Variants in PHF24 observed in about 807,000 individuals in gnomAD.
PHF24 encodes PHD finger protein 24, also known as Galpha inhibitory interacting protein.
PHF24 carries 25 observed loss-of-function variants against 42.6 expected under a neutral mutation model. The observed-to-expected ratio is 0.59, with a 90% CI of 0.43 to 0.82. The LOEUF (loss-of-function observed/expected upper bound fraction) is 0.82. Among genes scored for constraint, PHF24 ranks in the 40% least tolerant of loss-of-function variants. PHF24 has a pLI of 0.00. For synonymous variants in PHF24, 185 were observed against 204.8 expected, an observed-to-expected ratio of 0.90 and a Z score of 0.83; for missense variants, 470 against 538.1, an observed-to-expected ratio of 0.87 and a Z score of 1.25.
chr9:34,913,474 A>G, the PHF24 span, among the ~76,000 whole-genome samples: 16 of 152,366 alleles, frequency 1.1e-4, no homozygotes, highest in South Asian at 1.9e-3. Context: ...ATTCATTATT[A>G]AAGAACTCTG....
chr9:34,865,428 G>T, the PHF24 span, among the ~76,000 whole-genome samples: 1 of 151,834 alleles, frequency 6.6e-6, no homozygotes, highest in Non-Finnish European at 1.5e-5. Context: ...GCCAGGTGTG[G>T]TGGTGGGCAC....
the PHF24 span, among the ~76,000 whole-genome samples, chr9:34,741,163 G>A: frequency 1.3e-5 from 2 of 151,802 alleles, no homozygotes; most frequent in South Asian, 4.2e-4. Context: ...TGGGATTACA[G>A]GCATGAGCCA....
chr9:34,935,618 T>C, the PHF24 span, among the ~76,000 whole-genome samples: 1 of 126,638 alleles, frequency 7.9e-6, no homozygotes, highest in African/African-American at 3.0e-5. Flanking sequence ...AGAGAGAGAA[T>C]GGGAAGAGAG....
At chr9:34,703,109 C>G in the PHF24 span, among the ~76,000 whole-genome samples, 2 of 152,222 alleles carry the variant, frequency 1.3e-5, no homozygotes, top group Non-Finnish European at 2.9e-5. Context: ...CCCCACCCCT[C>G]TGACTCCCAC....
the PHF24 span, among the ~76,000 whole-genome samples, chr9:34,761,586 A>G: frequency 6.6e-6 from 1 of 152,228 alleles, no homozygotes; most frequent in South Asian, 2.1e-4. Flanking sequence ...GACACTTACT[A>G]GAATTTTTTA....
the PHF24 span, among the ~76,000 whole-genome samples, chr9:34,849,942 T>C: frequency 2.2e-3 from 336 of 152,334 alleles, 2 homozygotes; most frequent in African/African-American, 7.0e-3. Context: ...CACTCTCTTC[T>C]GGCTTGTAGA....
chr9:34,680,721 A>AT, the PHF24 span, among the ~76,000 whole-genome samples: 4 of 146,198 alleles, frequency 2.7e-5, no homozygotes, highest in African/African-American at 8.2e-5. Flanking sequence ...AAAAAAAATA[A>AT]AATAAAATAA....
the PHF24 span, among the ~76,000 whole-genome samples, chr9:34,738,574 C>G: frequency 8.0e-4 from 122 of 152,120 alleles, no homozygotes; most frequent in African/African-American, 2.6e-3. Context: ...TCTTGATCTC[C>G]TGACCTCATG....
chr9:34,928,266 A>G, the PHF24 span, among the ~76,000 whole-genome samples: 3 of 151,906 alleles, frequency 2.0e-5, no homozygotes, highest in Non-Finnish European at 4.4e-5. Context: ...CAGGATGACT[A>G]TAGCCAATAA....
the PHF24 span, among the ~76,000 whole-genome samples, chr9:34,931,803 T>C: frequency 7.6e-3 from 1,162 of 152,196 alleles, 16 homozygotes; most frequent in African/African-American, 0.027. Context: ...GGTATTTCTT[T>C]ATGGCAATGT....
At chr9:34,847,177 G>A in the PHF24 span, among the ~76,000 whole-genome samples, 113 of 152,130 alleles carry the variant, frequency 7.4e-4, no homozygotes, top group African/African-American at 2.2e-3. Context: ...TTGAATCTAT[G>A]AATTACCTTG....
the PHF24 span, among the ~76,000 whole-genome samples, chr9:34,898,300 A>G: frequency 2.0e-5 from 3 of 152,176 alleles, no homozygotes; most frequent in Non-Finnish European, 4.4e-5. Flanking sequence ...AGCAGTGTAG[A>G]GGCGTTCCCT....
chr9:34,729,411 A>G, the PHF24 span: 5 of 1,550,474 alleles, frequency 3.2e-6, no homozygotes, highest in East Asian at 2.4e-5. Flanking sequence ...CCACAGAACA[A>G]AAGTAGGGCT....
intron 3 of PHF24, among the ~76,000 whole-genome samples, chr9:34,975,385 T>C (rs371031619): frequency 1.5e-4 from 23 of 152,322 alleles, no homozygotes; most frequent in African/African-American, 5.5e-4. Context: ...AAAAGTGTTA[T>C]GGAAGAAAAA....
the PHF24 span, among the ~76,000 whole-genome samples, chr9:34,828,841 G>A: frequency 3.9e-5 from 6 of 152,028 alleles, no homozygotes; most frequent in South Asian, 8.3e-4. Flanking sequence ...ACTTTAGAGT[G>A]TCCTAGCCCA....
chr9:34,885,277 A>T, the PHF24 span, among the ~76,000 whole-genome samples: 2 of 152,216 alleles, frequency 1.3e-5, no homozygotes, highest in African/African-American at 4.8e-5. Context: ...GAGGACAGAC[A>T]CATCCATGCT....
At chr9:34,847,462 CTT>C in the PHF24 span, among the ~76,000 whole-genome samples, 2 of 151,790 alleles carry the variant, frequency 1.3e-5, no homozygotes, top group Non-Finnish European at 2.9e-5. Context: ...TATCCTGAGA[CTT>C]TGCTGAAGTT....
the PHF24 span, among the ~76,000 whole-genome samples, chr9:34,911,542 G>A: frequency 2.6e-4 from 40 of 152,294 alleles, no homozygotes; most frequent in South Asian, 5.6e-3. Context: ...GTGAGCCACC[G>A]CGCCCGGCCT....
chr9:34,767,596 G>C, the PHF24 span, among the ~76,000 whole-genome samples: 2 of 152,208 alleles, frequency 1.3e-5, no homozygotes, highest in African/African-American at 4.8e-5. Flanking sequence ...AATTTTCCAG[G>C]TGCCGTCTGT....
Sources: gnomAD v4.1 joint callset for allele counts (sites outside exome capture counted in the v4.1 genomes callset) on GRCh38, gnomAD v4.1.1 for gene constraint, MANE v1.5 for transcripts, NCBI Gene and HGNC (gene_info 2026-07-23, HGNC 2026-07-21) for gene names.